Variants in SVIP observed in about 807,000 individuals in gnomAD.
The protein encoded by SVIP is small VCP/p97-interacting protein.
A neutral mutation model predicts 12.9 loss-of-function variants in SVIP; 14 were observed. The observed-to-expected ratio is 1.08, with a 90% confidence interval of 0.72 to 1.70. The LOEUF (loss-of-function observed/expected upper bound fraction) is 1.70, where lower values mean the gene tolerates loss of function less well. Among genes scored for constraint, SVIP ranks in the 40% most tolerant of loss-of-function variants. The probability of loss-of-function intolerance (pLI) is 0.00; values close to 1 mark genes in which losing one functional copy is unlikely to be tolerated. For synonymous variants in SVIP, 35 were observed against 33.3 expected (o/e 1.05, Z -0.17); for missense variants, 93 against 90.8 (o/e 1.02, Z -0.10).
rs1408913288 is a variant in SVIP at position 22,820,549 on chromosome 11, C to G, written c.*2570G>C. 2 of 152,106 alleles carry G rather than the reference C, an allele frequency of 1.3e-5. No individual in the cohort carries two copies. Among genetic ancestry groups the G allele is most frequent in the Non-Finnish European group, 2.9e-5 (2 of 68,012 alleles). The allele number at this position is 152,106 out of a possible 1,614,324, so 9.4% of individuals were successfully genotyped here. ...GTTTCCCTAACCACCAACTCAGGTTCTAAGTATTTAGGATGTAGTAAAGAT... is the reference window on the plus strand; with the variant it reads ...GTTTCCCTAACCACCAACTCAGGTTGTAAGTATTTAGGATGTAGTAAAGAT... On this transcript the variant is annotated 3_prime_UTR_variant, in exon 4 of 4. Transcript: ENST00000354193.
chr11:22,824,424 A>T (rs1175147211), intron 3 of SVIP, among the ~76,000 whole-genome samples: 1 of 8,128 alleles, frequency 1.2e-4, no homozygotes, highest in Non-Finnish European at 7.1e-4. Context: ...TGGGTGTTTT[A>T]TATATATATA....
At chr11:22,828,771 A>C (rs1275595922) in intron 1 of SVIP, among the ~76,000 whole-genome samples, 1 of 152,210 alleles carries the variant, frequency 6.6e-6, no homozygotes, top group African/African-American at 2.4e-5. Context: ...TCCCACATCA[A>C]ATTTATAAGT....
chr11:22,821,071 A>G lies in SVIP; in HGVS notation c.*2048T>C, dbSNP rs190298795. On this transcript the variant is annotated 3_prime_UTR_variant, in exon 4 of 4. Coordinates refer to ENST00000354193, the MANE Select transcript of SVIP (RefSeq NM_148893.3). ...CATGTGTGTGTGTGTATATACACAC[A>G]CATATATAAATTAGAATTTGCAGAT... The G allele has an allele frequency of 6.7e-5, 10 of 149,552 alleles. No homozygotes were observed. The highest frequency in any genetic ancestry group is 2.4e-4 in the African/African-American group (10 of 41,028). 9.3% of individuals were successfully genotyped at this position (149,552 alleles called of 1,614,324 possible).
intron 1 of SVIP, among the ~76,000 whole-genome samples, chr11:22,829,085 G>T (rs1167412324): frequency 6.6e-6 from 1 of 152,026 alleles, no homozygotes; most frequent in African/African-American, 2.4e-5. Context: ...TCTGAAATTC[G>T]AATGTAACTG....
rs1183469038 is a variant in SVIP at position 22,827,839 on chromosome 11, C to T, written c.90G>A (p.Glu30=). 4 of 1,581,186 alleles carry T rather than the reference C, an allele frequency of 2.5e-6. No homozygotes were observed. In the African/African-American group the frequency reaches 4.1e-5, roughly 16 times the overall value. Residue 30 remains glutamate (E), a synonymous_variant, in exon 2 of 4, where the codon GAG becomes GAA. Transcript: ENST00000354193. ...EKRAKLAEAA[E]RRQKEAASRG... is the part of the protein sequence containing the mutation. The stretch of plus-strand genomic sequence containing the variant: ...TTAATCTTACCTCTTTTTGTCTTCT[C>T]TCTGCAGCCTCTGCAAGCTTTGCTC...
chr11:22,827,560 C>T (rs796913545), intron 2 of SVIP, among the ~76,000 whole-genome samples: 9 of 152,146 alleles, frequency 5.9e-5, no homozygotes, highest in African/African-American at 2.2e-4. Flanking sequence ...AAGTATTTTA[C>T]AATGCACAGC....
Position 22,824,483 on chromosome 11 carries a change from T to TAC in SVIP, c.220-1351_220-1350insGT, listed in dbSNP as rs1420665135. ...ATACACATATATATACGTATATATA[T>TAC]ATGTATATATATACGTATATATATA... On this transcript the variant is annotated intron_variant, in intron 3 of 3. Transcript: ENST00000354193. Among the ~76,000 whole-genome samples, 6 of 141,098 alleles carry TAC rather than the reference T, an allele frequency of 4.3e-5. No individual in the cohort carries two copies. The South Asian group carries it at 9.2e-4, about 22-fold the overall frequency. 92.6% of individuals were successfully genotyped at this position (141,098 alleles called of 152,430 possible). A position where few individuals can be genotyped will look rare whatever the true frequency, so the allele number is the denominator to read the frequency against.
rs1467256137 is a variant in SVIP, at chr11:22,821,492, C to G, written c.*1627G>C. 1 of 152,130 alleles carries G rather than the reference C, an allele frequency of 6.6e-6. No individual in the cohort carries two copies. The highest frequency in any genetic ancestry group is 1.5e-5 in the Non-Finnish European group (1 of 68,028). 9.4% of individuals were successfully genotyped at this position (152,130 alleles called of 1,614,324 possible). On this transcript the variant is annotated 3_prime_UTR_variant, in exon 4 of 4. Transcript: ENST00000354193. ...TAAGTCACTTACACCAACCCAAGTT[C>G]TAATTCTTTAAGATGTAGTAAAGAC...
intron 3 of SVIP, among the ~76,000 whole-genome samples, 196 bp from the exon 4 acceptor site, chr11:22,823,329 A>G (rs923171972): frequency 6.6e-6 from 1 of 152,220 alleles, no homozygotes; most frequent in Non-Finnish European, 1.5e-5. Flanking sequence ...AGCATAAAGA[A>G]GACAAAATAT....
intron 2 of SVIP, 69 bp downstream of exon 2, chr11:22,827,755 T>C: frequency 4.7e-6 from 6 of 1,275,198 alleles, no homozygotes; most frequent in Non-Finnish European, 5.4e-6. Context: ...AATCTAGCTA[T>C]GGACATCTAT....
rs1039620294 is a variant in SVIP, at chr11:22,820,165, C to A, written c.*2954G>T. On this transcript the variant is annotated 3_prime_UTR_variant, in exon 4 of 4. Coordinates refer to ENST00000354193, the MANE Select transcript of SVIP (RefSeq NM_148893.3). ...TAAAGAAATATACCTTATGTCTCAA[C>A]ACATATAGGCAGTCATGGCTACTTA... 1 of 152,196 alleles carries A rather than the reference C, an allele frequency of 6.6e-6. No individual in the cohort carries two copies. The highest frequency in any genetic ancestry group is 6.5e-5 in the Admixed American group (1 of 15,282). 9.4% of individuals were successfully genotyped at this position (152,196 alleles called of 1,614,324 possible).
In SVIP at chr11:22,829,763, G is replaced by C; in HGVS notation, c.-15C>G. On this transcript the variant is annotated 5_prime_UTR_variant, in exon 1 of 4. Transcript: ENST00000354193. ...CACAGCCCCATAGGGACGACAGCTT[G>C]AGAACCCTGACCGGGTCCGGCCCAG... The C allele has an allele frequency of 1.2e-6, 2 of 1,602,238 alleles. No individual in the cohort carries two copies. The highest frequency in any genetic ancestry group is 2.2e-5 in the South Asian group (2 of 89,066).
chr11:22,825,042 T>TA (rs1308273602), intron 3 of SVIP, among the ~76,000 whole-genome samples: 1 of 152,052 alleles, frequency 6.6e-6, no homozygotes, highest in African/African-American at 2.4e-5. Flanking sequence ...CCATGCTAAT[T>TA]ACCCTGGAAA....
rs1465818699 is a variant in SVIP, at chr11:22,820,639, C to T, written c.*2480G>A. On this transcript the variant is annotated 3_prime_UTR_variant, in exon 4 of 4. Transcript: ENST00000354193. The stretch of plus-strand genomic sequence containing the variant: ...TAGAAAAAAATGTATATTTATATCC[C>T]TAAAAGGCAATACAGAATTTATAAC... 1 of 151,998 alleles carries T rather than the reference C, an allele frequency of 6.6e-6. No individual in the cohort carries two copies. The highest frequency in any genetic ancestry group is 1.5e-5 in the Non-Finnish European group (1 of 68,010). The allele number at this position is 151,998 out of a possible 1,614,324, so 9.4% of individuals were successfully genotyped here.
At chr11:22,824,235 C>G (rs1053010622) in intron 3 of SVIP, among the ~76,000 whole-genome samples, 4 of 151,682 alleles carry the variant, frequency 2.6e-5, no homozygotes, top group African/African-American at 9.7e-5. Context: ...TGGCAGAAAC[C>G]ATTAAAAAAT....
chr11:22,824,529 CTA>C (rs1277620758), intron 3 of SVIP, among the ~76,000 whole-genome samples: 2 of 147,342 alleles, frequency 1.4e-5, no homozygotes, highest in Non-Finnish European at 3.0e-5. Flanking sequence ...TATATAAAAT[CTA>C]TGTTTAAATA....
chr11:22,824,376 C>G (rs892115302), intron 3 of SVIP, among the ~76,000 whole-genome samples: 14 of 150,724 alleles, frequency 9.3e-5, no homozygotes, highest in African/African-American at 2.7e-4. Context: ...TTGGCAATCT[C>G]TTGATAGTGT....
Position 22,819,852 on chromosome 11 carries a change from G to A in SVIP, c.*3267C>T, listed in dbSNP as rs1262304959. 1.3e-5 allele frequency: 2 copies of A among 152,202 alleles called. No individual in the cohort carries two copies. The highest frequency in any genetic ancestry group is 4.8e-5 in the African/African-American group (2 of 41,438). The allele number at this position is 152,202 out of a possible 1,614,324, so 9.4% of individuals were successfully genotyped here. ...AAAGTATGATATCCACAGGAGTAAT[G>A]TATGAATACTTAATTTGTAGGCAAT... On this transcript the variant is annotated 3_prime_UTR_variant, in exon 4 of 4. Transcript: ENST00000354193.
rs1025767827 is a variant in SVIP at position 22,829,723 on chromosome 11, C to G, written c.26G>C (p.Gly9Ala). The part of the protein sequence containing the change: MGLCFPCP[G>A]ESAPPTPDLE... Reference sequence around the variant, plus strand: ...GTCCGGCGTGGGAGGCGCGGACTCCCCGGGACAAGGAAAACACAGCCCCAT... The same window carrying G: ...GTCCGGCGTGGGAGGCGCGGACTCCGCGGGACAAGGAAAACACAGCCCCAT... Residue 9 changes from glycine (G) to alanine (A), a missense_variant, in exon 1 of 4, where the codon GGG becomes GCG. Transcript: ENST00000354193. 4 of 1,607,288 alleles carry G rather than the reference C, an allele frequency of 2.5e-6. No individual in the cohort carries two copies. The highest frequency in any genetic ancestry group is 3.4e-6 in the Non-Finnish European group (4 of 1,177,652).
Sources: allele counts gnomAD v4.1 joint callset (sites outside exome capture counted in the v4.1 genomes callset), GRCh38; gene constraint gnomAD v4.1.1; transcripts MANE v1.5; gene names NCBI Gene and HGNC (gene_info 2026-07-23, HGNC 2026-07-21).